Variants in BAZ2B observed in about 807,000 individuals in gnomAD.
BAZ2B encodes the protein bromodomain adjacent to zinc finger domain 2B, also known as bromodomain adjacent to zinc finger domain protein 2B.
In BAZ2B, 91 loss-of-function variants were observed where a neutral mutation model predicts 246.0. The ratio of observed to expected loss-of-function variants is 0.37; its 90% confidence interval spans 0.31 to 0.44. The LOEUF is 0.44. Among genes scored for constraint, BAZ2B ranks in the 20% least tolerant of loss-of-function variants. BAZ2B has a pLI of 1.00. For synonymous variants in BAZ2B, 855 were observed against 860.0 expected (o/e 0.99, Z 0.10); for missense variants, 2,332 against 2,533.7 (o/e 0.92, Z 1.71).
At position 159,605,406 on chromosome 2, in the gene BAZ2B, G is replaced by A. The variant is rs116543546; in HGVS notation, c.-46+10836C>T. Among the ~76,000 whole-genome samples the A allele has an allele frequency of 4.7e-3, 708 of 152,112 alleles. 11 individuals carry two copies. Among genetic ancestry groups the A allele is most frequent in the African/African-American group, 0.016 (674 of 41,478 alleles). On this transcript the variant is annotated intron_variant, in intron 1 of 36. Coordinates refer to ENST00000392783, the MANE Select transcript of BAZ2B (RefSeq NM_013450.4). ...TTTTAGCTCACTTTTAAAGTGCTGA[G>A]ATTATAAATATAGAAATAAACATGT... is the stretch of plus-strand genomic sequence containing the variant.
At chr2:159,480,578 G>A (rs72947593) in intron 2 of BAZ2B, among the ~76,000 whole-genome samples, 27,917 of 151,810 alleles carry the variant, frequency 0.18, 3,479 homozygotes, top group Non-Finnish European at 0.28. Context: ...ATATGTGTGC[G>A]CGTGCACACA....
the BAZ2B span, among the ~76,000 whole-genome samples, chr2:159,672,784 A>C: frequency 6.6e-6 from 1 of 152,210 alleles, no homozygotes; most frequent in African/African-American, 2.4e-5. Context: ...TTTGATAAAT[A>C]ATGTTGAGAT....
In BAZ2B at chr2:159,432,888, T is replaced by G. The variant is rs201790774; in HGVS notation, c.1769A>C (p.Gln590Pro). ...AATGTCTGAATCTGTTCCTCTGAATTGTTCCACTAAAGATTTTGCAGGATG... is the reference window on the plus strand; with the variant it reads ...AATGTCTGAATCTGTTCCTCTGAATGGTTCCACTAAAGATTTTGCAGGATG... ...HSHPAKSLVE[Q>P]FRGTDSDIPS... Residue 590 changes from glutamine to proline, a missense_variant, in exon 9 of 37, where the codon CAA (glutamine) becomes CCA (proline). Coordinates refer to ENST00000392783, the MANE Select transcript of BAZ2B (RefSeq NM_013450.4). The G allele has an allele frequency of 1.7e-4, 279 of 1,614,068 alleles. 1 individual carries two copies. Among genetic ancestry groups the G allele is most frequent in the Non-Finnish European group, 2.2e-4 (262 of 1,180,030 alleles).
downstream of BAZ2B, among the ~76,000 whole-genome samples, chr2:159,318,299 A>C (rs1164662418): frequency 6.6e-6 from 1 of 152,202 alleles, no homozygotes; most frequent in Non-Finnish European, 1.5e-5. Context: ...CAGCCCCTTT[A>C]AGGCATCACT....
At chr2:159,554,956 C>T (rs1018915173) in intron 2 of BAZ2B, among the ~76,000 whole-genome samples, 4 of 151,950 alleles carry the variant, frequency 2.6e-5, no homozygotes, top group African/African-American at 9.7e-5. Flanking sequence ...TATCAAAAAA[C>T]TCTCCATATC....
At chr2:159,400,546 CTT>C in intron 17 of BAZ2B, 51 bp downstream of exon 17, 2 of 1,163,290 alleles carry the variant, frequency 1.7e-6, no homozygotes, top group Non-Finnish European at 2.5e-6. Context: ...TTTTTGCAGA[CTT>C]AAAAATATAT....
chr2:159,428,238 A>T, intron 12 of BAZ2B, 73 bp downstream of exon 12: 1 of 1,306,428 alleles, frequency 7.7e-7, no homozygotes. Flanking sequence ...CTGAGAAAGG[A>T]GTACACTTTT....
At chr2:159,401,072 C>A (rs2064982939) in intron 16 of BAZ2B, among the ~76,000 whole-genome samples, 2 of 151,696 alleles carry the variant, frequency 1.3e-5, no homozygotes, top group African/African-American at 2.4e-5. Flanking sequence ...ACAAAATTAC[C>A]AAAGGATGGA....
At chr2:159,606,286 C>T (rs1693474938) in intron 1 of BAZ2B, among the ~76,000 whole-genome samples, 1 of 146,592 alleles carries the variant, frequency 6.8e-6, no homozygotes, top group African/African-American at 2.4e-5. Flanking sequence ...AGTAACCCCT[C>T]TTTTAAAATA....
chr2:159,533,137 T>C (rs1438253386), intron 2 of BAZ2B, among the ~76,000 whole-genome samples: 1 of 152,152 alleles, frequency 6.6e-6, no homozygotes. Flanking sequence ...ATATTGAAGA[T>C]AGATCACAGG....
At chr2:159,544,355 G>T (rs1056586902) in intron 2 of BAZ2B, among the ~76,000 whole-genome samples, 3 of 152,130 alleles carry the variant, frequency 2.0e-5, no homozygotes, top group African/African-American at 7.2e-5. Context: ...AGCTCTTATT[G>T]TTACAATGCA....
At chr2:159,621,743 G>A in the BAZ2B span, among the ~76,000 whole-genome samples, 183 of 150,956 alleles carry the variant, frequency 1.2e-3, 1 homozygote, top group East Asian at 0.031. Context: ...AGGCCAAGGC[G>A]GGAGGACTGT....
At chr2:159,447,944 C>T (rs1390153614) in intron 5 of BAZ2B, among the ~76,000 whole-genome samples, 1 of 151,908 alleles carries the variant, frequency 6.6e-6, no homozygotes, top group African/African-American at 2.4e-5. Flanking sequence ...AACACAGAGA[C>T]CCTGTTGCTA....
intron 20 of BAZ2B, among the ~76,000 whole-genome samples, chr2:159,391,119 G>C (rs1269162108): frequency 6.6e-6 from 1 of 152,098 alleles, no homozygotes; most frequent in South Asian, 2.1e-4. Flanking sequence ...CCAAAGGAGG[G>C]AAGATTTAAG....
intron 2 of BAZ2B, among the ~76,000 whole-genome samples, chr2:159,527,182 T>C (rs373950847): frequency 6.6e-6 from 1 of 152,160 alleles, no homozygotes; most frequent in African/African-American, 2.4e-5. Flanking sequence ...TGTGGTAATA[T>C]GTCATTTTTC....
At chr2:159,594,633 G>GTTTTTTTTTTTTTTTTTTTTT (rs57735673) in intron 1 of BAZ2B, among the ~76,000 whole-genome samples, 1 of 148,450 alleles carries the variant, frequency 6.7e-6, no homozygotes. Flanking sequence ...TATTTTGACA[G>GTTTTTTTTTTTTTTTTTTTTT]TTTTTTTTTT....
intron 36 of BAZ2B, among the ~76,000 whole-genome samples, chr2:159,322,694 G>A (rs1234159087): frequency 6.6e-6 from 1 of 152,122 alleles, no homozygotes; most frequent in Non-Finnish European, 1.5e-5. Flanking sequence ...TTTATGGGAT[G>A]GGGCAGCTAA....
the BAZ2B span, chr2:159,694,965 A>T: frequency 6.6e-6 from 1 of 152,152 alleles, no homozygotes; most frequent in Non-Finnish European, 1.5e-5. Flanking sequence ...AACTTTCTAC[A>T]TCCTCATCAA....
At chr2:159,509,991 C>T (rs1328772264) in intron 2 of BAZ2B, among the ~76,000 whole-genome samples, 1 of 151,916 alleles carries the variant, frequency 6.6e-6, no homozygotes, top group East Asian at 1.9e-4. Flanking sequence ...TGAAGTTGTG[C>T]TACATGCTAT....
Sources: allele counts gnomAD v4.1 joint callset (sites outside exome capture counted in the v4.1 genomes callset), GRCh38; gene constraint gnomAD v4.1.1; transcripts MANE v1.5; gene names NCBI Gene and HGNC (gene_info 2026-07-23, HGNC 2026-07-21).